ZNF341: variants seen among roughly 807,000 people sequenced by gnomAD.
ZNF341 encodes the protein zinc finger protein 341.
Under a neutral mutation model 87.7 loss-of-function variants are expected in ZNF341, and 52 were observed. The ratio of observed to expected loss-of-function variants is 0.59; its 90% CI spans 0.47 to 0.75. ZNF341 has a LOEUF of 0.75. Among genes scored for constraint, ZNF341 ranks in the 30% least tolerant of loss-of-function variants. The pLI is 0.00. For missense variants in ZNF341, 977 were observed against 1,145.9 expected (o/e 0.85, Z 2.13); for synonymous variants, 459 against 472.7 (o/e 0.97, Z 0.38).
chr20:33,788,788 G>A lies in ZNF341; in HGVS notation c.1853-75G>A, dbSNP rs1310829449. ...CCTAGAGGAGCTGCTCCCCTGAGGG[G>A]CCCAGCGGGGACCCTTGTGCCCTGG... On this transcript the variant is annotated intron_variant, in intron 12 of 14. Transcript: ENST00000375200. 3.3e-6 allele frequency: 4 copies of A among 1,212,094 alleles called. No individual in the cohort carries two copies. In the South Asian group the frequency reaches 5.0e-5, roughly 15 times the overall value. The allele number at this position is 1,212,094 out of a possible 1,614,324, so 75.1% of individuals were successfully genotyped here. A position where few individuals can be genotyped will look rare whatever the true frequency, so the allele number is the denominator to read the frequency against.
chr20:33,784,136 T>C, intron 12 of ZNF341, among the ~76,000 whole-genome samples: 1 of 59,366 alleles, frequency 1.7e-5, no homozygotes, highest in African/African-American at 7.5e-5. Flanking sequence ...TCCCTCCTCT[T>C]CCCCATTTCC....
rs2018572835 is a variant in ZNF341 at position 33,732,044 on chromosome 20, C to T, written c.23C>T (p.Ala8Val). 4 of 1,315,894 alleles carry T rather than the reference C, an allele frequency of 3.0e-6. No homozygotes were observed. The highest frequency in any genetic ancestry group is 4.2e-5 in the South Asian group (2 of 47,922). 81.5% of individuals were successfully genotyped at this position (1,315,894 alleles called of 1,614,324 possible). The change falls in exon 1 of 15, where the codon GCC (alanine) becomes GTC (valine). Residue 8 changes from alanine (A) to valine (V), a missense_variant. By Grantham distance (64) the Ala-to-Val change is moderately conservative (BLOSUM62 0). Transcript: ENST00000375200. This position sits in a 1 kb window ranked among gnomAD's most constrained non-coding sequence, Gnocchi z 4.5. Reference protein sequence around the residue: MAQAIFEALEGMDNQTVL... With the variant: MAQAIFEVLEGMDNQTVL... ...AAGATGGCGCAGGCGATCTTTGAGG[C>T]CCTGGAGGGTGAGCGGCGGCGGGGC... is the stretch of plus-strand genomic sequence containing the variant.
chr20:33,740,894 T>G lies in ZNF341; in HGVS notation c.32-8T>G. On this transcript the variant is annotated splice_polypyrimidine_tract_variant and splice_region_variant and intron_variant, in intron 1 of 14. Coordinates refer to ENST00000375200, the MANE Select transcript of ZNF341 (RefSeq NM_001282933.2). ...TACCTTCCAAAGAGGCTGCACTTCT[T>G]TTTTCAGGAATGGACAATCAGACCG... 3 of 1,613,806 alleles carry G rather than the reference T, an allele frequency of 1.9e-6. No homozygotes were observed. The highest frequency in any genetic ancestry group is 1.1e-5 in the South Asian group (1 of 91,062).
At chr20:33,777,409 C>T (rs991326812) in intron 10 of ZNF341, among the ~76,000 whole-genome samples, 5 of 148,064 alleles carry the variant, frequency 3.4e-5, no homozygotes, top group Admixed American at 6.8e-5. Flanking sequence ...CTGAGGTGGG[C>T]GGATCACCTG....
chr20:33,736,892 C>T (rs959233437), intron 1 of ZNF341, among the ~76,000 whole-genome samples: 23 of 152,248 alleles, frequency 1.5e-4, no homozygotes, highest in Admixed American at 1.3e-3. Flanking sequence ...TGAGACTGCC[C>T]AGGGACAGCA....
chr20:33,788,742 A>T (rs755751147), intron 12 of ZNF341, 121 bp from the exon 13 acceptor site: 2 of 757,820 alleles, frequency 2.6e-6, no homozygotes, highest in East Asian at 2.7e-5. Flanking sequence ...GAGAGAGGCT[A>T]TTTTCTCCCC....
chr20:33,735,156 G>C (rs1262704001), intron 1 of ZNF341, among the ~76,000 whole-genome samples: 5 of 151,538 alleles, frequency 3.3e-5, no homozygotes, highest in Non-Finnish European at 5.9e-5. Flanking sequence ...TCAGCCTCTT[G>C]AGTAGCTGGG....
chr20:33,783,860 C>T lies in ZNF341; in HGVS notation c.1848C>T (p.His616=). The T allele has an allele frequency of 6.2e-7, 1 of 1,613,026 alleles. No individual in the cohort carries two copies. The highest frequency in any genetic ancestry group is 8.5e-7 in the Non-Finnish European group (1 of 1,179,536). Residue 616 remains histidine (H), a synonymous_variant, in exon 12 of 15, where the codon CAC becomes CAT. Coordinates refer to ENST00000375200, the MANE Select transcript of ZNF341 (RefSeq NM_001282933.2). ...EHYLKLHAHI[H]SGEKPYKCSV... ...ATCTCAAACTGCATGCTCACATCCA[C>T]TCGGGTAGGTACCCTGCCCCTGAGA...
At chr20:33,773,138 C>T (rs753138546) in intron 10 of ZNF341, among the ~76,000 whole-genome samples, 3 of 152,144 alleles carry the variant, frequency 2.0e-5, no homozygotes, top group Non-Finnish European at 4.4e-5. Flanking sequence ...ATCCCTGCAG[C>T]CCTGGGAGGT....
At chr20:33,767,441 G>A (rs1480549488) in intron 9 of ZNF341, among the ~76,000 whole-genome samples, 2 of 150,728 alleles carry the variant, frequency 1.3e-5, no homozygotes, top group African/African-American at 2.4e-5. Context: ...GCAGTGGTGC[G>A]ATCTCAGCTC....
chr20:33,752,519 C>T (rs565262074), intron 4 of ZNF341: 40 of 469,836 alleles, frequency 8.5e-5, no homozygotes, highest in African/African-American at 5.5e-4. Flanking sequence ...TTTTTCTTCT[C>T]GCCACCCTTC....
chr20:33,747,167 A>AG (rs2018943914), intron 3 of ZNF341, among the ~76,000 whole-genome samples: 1 of 152,172 alleles, frequency 6.6e-6, no homozygotes, highest in Admixed American at 6.5e-5. Flanking sequence ...TGCCAGGTCA[A>AG]GGGGTCAGAT....
At chr20:33,781,682 C>A (rs1415257095) in intron 11 of ZNF341, among the ~76,000 whole-genome samples, 2 of 151,334 alleles carry the variant, frequency 1.3e-5, no homozygotes, top group African/African-American at 4.8e-5. Flanking sequence ...ATCCTTATTA[C>A]AATTGGCTCT....
rs762048796 is a variant in ZNF341, at chr20:33,740,919, G to A, written c.49G>A (p.Val17Ile). 9.3e-6 allele frequency: 15 copies of A among 1,614,062 alleles called. No individual in the cohort carries two copies. Among genetic ancestry groups the A allele is most frequent in the African/African-American group, 2.7e-5 (2 of 74,938 alleles). The change falls in exon 2 of 15, where the codon GTT (valine) becomes ATT (isoleucine). Residue 17 changes from valine to isoleucine, a missense_variant. By Grantham distance (29) the Val-to-Ile change is conservative. Around this residue, in one of 3 missense-constraint regions of ZNF341, gnomAD observed 515 missense variants for 598.2 expected, o/e 0.86. Transcript: ENST00000375200. ...EALEGMDNQTVLAVQSLLDGQ... is the reference protein window; with the variant it reads ...EALEGMDNQTILAVQSLLDGQ... ...TTTTTCAGGAATGGACAATCAGACC[G>A]TTCTGGCTGTCCAGTCATTATTGGA...
intron 10 of ZNF341, among the ~76,000 whole-genome samples, chr20:33,779,539 C>T (rs1481061645): frequency 6.7e-6 from 1 of 149,360 alleles, no homozygotes; most frequent in Admixed American, 6.8e-5. Flanking sequence ...CATCCTGCAT[C>T]TCCCAGGTTC....
chr20:33,765,888 G>T (rs1028285724), intron 8 of ZNF341, among the ~76,000 whole-genome samples: 2 of 151,446 alleles, frequency 1.3e-5, no homozygotes, highest in South Asian at 4.2e-4. Flanking sequence ...AATTTTTTTT[G>T]TTTGTTTGTT....
rs778310484 is a variant in ZNF341 at position 33,745,197 on chromosome 20, T to C, written c.237T>C (p.Asn79=). Residue 79 remains asparagine (N), a synonymous_variant, in exon 3 of 15, where the codon AAT becomes AAC. Transcript: ENST00000375200. ...MTHKREQCQG[N]APALATVSLA... ...ACAAGCGGGAACAGTGCCAGGGGAA[T>C]GCCCCCGCCCTGGCCACAGTCTCAC... 2 of 1,614,164 alleles carry C rather than the reference T, an allele frequency of 1.2e-6. No homozygotes were observed. Among genetic ancestry groups the C allele is most frequent in the Non-Finnish European group, 1.7e-6 (2 of 1,180,024 alleles).
At chr20:33,790,147 T>C (rs2019970288) in intron 14 of ZNF341, among the ~76,000 whole-genome samples, 2 of 151,570 alleles carry the variant, frequency 1.3e-5, no homozygotes, top group Admixed American at 6.6e-5. Flanking sequence ...TCTTGGCTCA[T>C]TGCAACCTCT....
intron 8 of ZNF341, among the ~76,000 whole-genome samples, chr20:33,764,543 G>GTGTATATATATATATA (rs1332743148): frequency 5.8e-4 from 40 of 69,330 alleles, no homozygotes; most frequent in East Asian, 1.3e-3. Flanking sequence ...GTGTGTATGT[G>GTGTATATATATATATA]TATATATATA....
Sources: allele counts gnomAD v4.1 joint callset (sites outside exome capture counted in the v4.1 genomes callset), GRCh38; gene constraint gnomAD v4.1.1; regional missense constraint gnomAD v4.1.1; non-coding constraint Gnocchi (gnomAD v3.1); transcripts MANE v1.5; gene names NCBI Gene and HGNC (gene_info 2026-07-23, HGNC 2026-07-21).